IL1RAPL2: variants seen among roughly 807,000 people sequenced by gnomAD.
IL1RAPL2 encodes interleukin 1 receptor accessory protein like 2.
In IL1RAPL2, 3 loss-of-function variants were observed where a neutral mutation model predicts 44.1. The ratio of observed to expected loss-of-function variants is 0.07; its 90% CI spans 0.03 to 0.18. The LOEUF is 0.18. IL1RAPL2 is among the 10% of genes least tolerant of loss of function. The pLI is 1.00. For missense variants in IL1RAPL2, 391 were observed against 496.4 expected (o/e 0.79, Z 2.02); for synonymous variants, 181 against 178.8 (o/e 1.01, Z -0.10).
intron 3 of IL1RAPL2, among the ~76,000 whole-genome samples, chrX:105,225,664 CTTTTA>C (rs781855827): frequency 1.8e-3 from 176 of 100,327 alleles, no homozygotes; most frequent in Non-Finnish European, 3.0e-3. Flanking sequence ...AGAAAACATA[CTTTTA>C]TTTTATTTTA....
intron 6 of IL1RAPL2, among the ~76,000 whole-genome samples, chrX:105,509,111 C>T (rs2036451935): frequency 9.0e-6 from 1 of 111,391 alleles, no homozygotes; most frequent in African/African-American, 3.3e-5. Flanking sequence ...TTTGCCCTCA[C>T]AGACCTTACA....
chrX:105,677,756 C>A (rs1490104603), intron 6 of IL1RAPL2, among the ~76,000 whole-genome samples: 2 of 111,071 alleles, frequency 1.8e-5, no homozygotes, highest in Non-Finnish European at 3.8e-5. Flanking sequence ...GTTGTGACAA[C>A]CCAAAATGGC....
chrX:104,947,992 A>G (rs1454222033), intron 2 of IL1RAPL2, among the ~76,000 whole-genome samples: 5 of 111,353 alleles, frequency 4.5e-5, no homozygotes, highest in Admixed American at 9.5e-5. Context: ...CATTGAATCT[A>G]TAAATTACCT....
rs1006033164 is a variant in IL1RAPL2 at position 104,626,030 on chromosome X, T to G, written c.-19-32865T>G. Among the ~76,000 whole-genome samples the G allele has an allele frequency of 2.7e-5, 3 of 111,244 alleles. No homozygotes were observed. The Admixed American group carries it at 2.9e-4, about 11-fold the overall frequency. On this transcript the variant is annotated intron_variant, in intron 1 of 10. Coordinates refer to ENST00000372582, the MANE Select transcript of IL1RAPL2 (RefSeq NM_017416.2). ...GTTAGATGATGATAATAACTAGCAT[T>G]TGCTTATTACTATGCATCAGATATG...
At chrX:105,181,388 A>G (rs781973681) in intron 2 of IL1RAPL2, among the ~76,000 whole-genome samples, 1 of 110,759 alleles carries the variant, frequency 9.0e-6, no homozygotes, top group South Asian at 3.8e-4. Flanking sequence ...CTTGCTTTTT[A>G]GTTCCTTGAG....
At chrX:105,473,867 T>C (rs1432272772) in intron 5 of IL1RAPL2, among the ~76,000 whole-genome samples, 1 of 111,891 alleles carries the variant, frequency 8.9e-6, no homozygotes, top group African/African-American at 3.2e-5. Flanking sequence ...ACAGACAATA[T>C]GTTATTCCAT....
At chrX:105,280,498 C>T (rs375475785) in intron 5 of IL1RAPL2, among the ~76,000 whole-genome samples, 2 of 111,301 alleles carry the variant, frequency 1.8e-5, no homozygotes, top group Non-Finnish European at 3.8e-5. Context: ...AGGCAACCTA[C>T]GGAATGGGAG....
intron 3 of IL1RAPL2, chrX:105,220,556 G>A (rs1420005520): frequency 7.7e-5 from 37 of 481,550 alleles, no homozygotes; most frequent in Non-Finnish European, 7.5e-5. Flanking sequence ...CCCCCTGACC[G>A]GCTTGTCCTA....
chrX:104,722,470 G>T (rs1569303068), intron 2 of IL1RAPL2, among the ~76,000 whole-genome samples: 1 of 111,120 alleles, frequency 9.0e-6, no homozygotes, highest in African/African-American at 3.3e-5. Context: ...TTGAGAGGGA[G>T]ACAGGGTCTA....
rs1265622239 is a variant in IL1RAPL2 at position 104,735,243 on chromosome X, G to A, written c.82+76248G>A. Among the ~76,000 whole-genome samples the A allele has an allele frequency of 2.7e-5, 3 of 111,433 alleles. No individual in the cohort carries two copies. In the East Asian group the frequency reaches 8.6e-4, roughly 32 times the overall value. The stretch of plus-strand genomic sequence containing the variant: ...GGAAATTCCAGAAAATAAGAAAATG[G>A]TATTTTGATTAACAGCTTATGTTTA... On this transcript the variant is annotated intron_variant, in intron 2 of 10. Transcript: ENST00000372582.
At chrX:104,879,548 G>A (rs1923006972) in intron 2 of IL1RAPL2, among the ~76,000 whole-genome samples, 1 of 110,591 alleles carries the variant, frequency 9.0e-6, no homozygotes, top group African/African-American at 3.3e-5. Context: ...ATTCTTTATT[G>A]GATTATTTCA....
chrX:105,709,221 T>C (rs1205047054), intron 6 of IL1RAPL2, among the ~76,000 whole-genome samples: 7 of 110,883 alleles, frequency 6.3e-5, no homozygotes, highest in Non-Finnish European at 1.3e-4. Flanking sequence ...GAACCTAGGG[T>C]TCAAGGCAAG....
At chrX:105,121,594 ATATTT>A (rs2032925580) in intron 2 of IL1RAPL2, among the ~76,000 whole-genome samples, 1 of 112,330 alleles carries the variant, frequency 8.9e-6, no homozygotes, top group Admixed American at 9.4e-5. Flanking sequence ...ATTTAAACCA[ATATTT>A]TATTTTCTGA....
At chrX:104,932,705 G>A (rs1924937488) in intron 2 of IL1RAPL2, among the ~76,000 whole-genome samples, 1 of 112,066 alleles carries the variant, frequency 8.9e-6, no homozygotes. Flanking sequence ...AGTTCTGTAT[G>A]GTCGGAGTTT....
intron 2 of IL1RAPL2, among the ~76,000 whole-genome samples, chrX:105,180,361 A>G (rs1397315185): frequency 9.0e-6 from 1 of 111,126 alleles, no homozygotes; most frequent in African/African-American, 3.3e-5. Context: ...AAAAACAAAA[A>G]AAAAAGAAAA....
rs1182687289 is a variant in IL1RAPL2, at chrX:105,042,994, C to T, written c.83-152481C>T. 5.4e-4 allele frequency among the ~76,000 whole-genome samples: 54 copies of T among 100,038 alleles called. 1 individual carries two copies. Among genetic ancestry groups the T allele is most frequent in the African/African-American group, 9.7e-4 (26 of 26,914 alleles). The allele number at this position is 100,038 out of a possible 115,157, so 86.9% of individuals were successfully genotyped here. On this transcript the variant is annotated intron_variant, in intron 2 of 10. Coordinates refer to ENST00000372582, the MANE Select transcript of IL1RAPL2 (RefSeq NM_017416.2). ...ATCGCAAGAACAAAAAAACAAACAC[C>T]GCATATTCTCACTCATAGGTGGGAA... is the stretch of plus-strand genomic sequence containing the variant.
intron 2 of IL1RAPL2, among the ~76,000 whole-genome samples, chrX:104,824,028 C>T (rs1254062038): frequency 9.0e-6 from 1 of 111,621 alleles, no homozygotes; most frequent in Non-Finnish European, 1.9e-5. Context: ...GTGGGTTTGT[C>T]ATAAATAGCT....
At chrX:105,351,585 A>T (rs1388736831) in intron 5 of IL1RAPL2, among the ~76,000 whole-genome samples, 1 of 110,287 alleles carries the variant, frequency 9.1e-6, no homozygotes, top group Non-Finnish European at 1.9e-5. Flanking sequence ...AAAAATGAGA[A>T]CACATGGACA....
At chrX:104,946,713 A>G (rs1350327099) in intron 2 of IL1RAPL2, among the ~76,000 whole-genome samples, 9 of 100,713 alleles carry the variant, frequency 8.9e-5, no homozygotes, top group East Asian at 6.5e-4. Flanking sequence ...ATGATTTCCA[A>G]TTTCATCCAT....
Sources: gnomAD v4.1 joint callset for allele counts (sites outside exome capture counted in the v4.1 genomes callset) on GRCh38, gnomAD v4.1.1 for gene constraint, MANE v1.5 for transcripts, NCBI Gene and HGNC (gene_info 2026-07-23, HGNC 2026-07-21) for gene names.